PTPRO: variants seen among roughly 807,000 people sequenced by gnomAD.
The protein encoded by PTPRO is receptor-type tyrosine-protein phosphatase O.
Under a neutral mutation model 145.2 loss-of-function variants are expected in PTPRO, and 62 were observed. The observed-to-expected ratio is 0.43, with a 90% CI of 0.35 to 0.53. PTPRO has a LOEUF of 0.53. Ranked by LOEUF, PTPRO falls within the 20% of genes least tolerant of loss-of-function variation. PTPRO has a pLI of 0.01. For missense variants in PTPRO, 1,345 were observed against 1,482.7 expected (o/e 0.91, Z 1.53); for synonymous variants, 565 against 514.7 (o/e 1.10, Z -1.32).
At chr12:15,534,632 G>A (rs1450996688) in intron 12 of PTPRO, among the ~76,000 whole-genome samples, 1 of 152,166 alleles carries the variant, frequency 6.6e-6, no homozygotes, top group East Asian at 1.9e-4. Flanking sequence ...ATAACAAGAA[G>A]AACCAGCCAC....
At chr12:15,479,809 G>C (rs1941739447) in intron 1 of PTPRO, among the ~76,000 whole-genome samples, 2 of 152,188 alleles carry the variant, frequency 1.3e-5, no homozygotes, top group African/African-American at 4.8e-5. Flanking sequence ...GTCTCACCCT[G>C]ATGCAGAAGC....
intron 12 of PTPRO, among the ~76,000 whole-genome samples, chr12:15,545,298 T>C (rs1339037887): frequency 6.6e-6 from 1 of 151,520 alleles, no homozygotes; most frequent in Non-Finnish European, 1.5e-5. Flanking sequence ...CAGGCGCATA[T>C]AGGTGGATGG....
chr12:15,589,130 C>G (rs1304934290), intron 24 of PTPRO, among the ~76,000 whole-genome samples: 1 of 152,156 alleles, frequency 6.6e-6, no homozygotes, highest in African/African-American at 2.4e-5. Flanking sequence ...AATCCCAGCA[C>G]TTCAGGAGGC....
chr12:15,386,369 GA>G (rs1156736254), intron 1 of PTPRO, among the ~76,000 whole-genome samples: 1 of 152,082 alleles, frequency 6.6e-6, no homozygotes, highest in East Asian at 1.9e-4. Context: ...CTACTTCTGA[GA>G]AATTTTAATG....
chr12:15,460,110 A>G (rs1313366456), intron 1 of PTPRO, among the ~76,000 whole-genome samples: 1 of 152,156 alleles, frequency 6.6e-6, no homozygotes, highest in African/African-American at 2.4e-5. Flanking sequence ...ATACTTCTCA[A>G]TATTTTTGAG....
intron 1 of PTPRO, among the ~76,000 whole-genome samples, chr12:15,460,775 T>C (rs1288746445): frequency 1.3e-5 from 2 of 152,212 alleles, no homozygotes; most frequent in Non-Finnish European, 2.9e-5. Context: ...CATCAAGATA[T>C]TCTTGGACAG....
At chr12:15,593,822 CT>C (rs1944602209) in intron 25 of PTPRO, among the ~76,000 whole-genome samples, 1 of 152,116 alleles carries the variant, frequency 6.6e-6, no homozygotes, top group Non-Finnish European at 1.5e-5. Flanking sequence ...AAATATTATT[CT>C]TTTCCTTCTA....
At chr12:15,365,611 A>T (rs1209404362) in intron 1 of PTPRO, among the ~76,000 whole-genome samples, 1 of 152,142 alleles carries the variant, frequency 6.6e-6, no homozygotes, top group Non-Finnish European at 1.5e-5. Context: ...TTTACTGGAT[A>T]TTGGATATGG....
intron 1 of PTPRO, among the ~76,000 whole-genome samples, chr12:15,449,584 G>A (rs1381410887): frequency 6.6e-6 from 1 of 152,134 alleles, no homozygotes; most frequent in Non-Finnish European, 1.5e-5. Flanking sequence ...ACTGAGAGTA[G>A]ATGCTCTTAC....
At chr12:15,423,343 T>C (rs1940198027) in intron 1 of PTPRO, among the ~76,000 whole-genome samples, 1 of 152,216 alleles carries the variant, frequency 6.6e-6, no homozygotes, top group South Asian at 2.1e-4. Flanking sequence ...CTTTTAAATG[T>C]ATGTTTTACA....
intron 24 of PTPRO, among the ~76,000 whole-genome samples, chr12:15,587,721 C>A (rs1484154444): frequency 2.6e-5 from 4 of 152,212 alleles, no homozygotes; most frequent in Non-Finnish European, 5.9e-5. Flanking sequence ...CCATCAAAAT[C>A]TATCTCTGTG....
At chr12:15,559,116 T>C (rs1249456446) in intron 16 of PTPRO, among the ~76,000 whole-genome samples, 4 of 152,180 alleles carry the variant, frequency 2.6e-5, no homozygotes, top group Non-Finnish European at 5.9e-5. Context: ...CAATTATATG[T>C]ATTTAATACT....
chr12:15,508,539 G>C (rs1942370481), intron 6 of PTPRO, 32 bp from the exon 7 acceptor site: 1 of 1,600,056 alleles, frequency 6.2e-7, no homozygotes, highest in South Asian at 1.1e-5. Context: ...GTAACGTGCA[G>C]CCTCCCCTGT....
chr12:15,343,401 T>A (rs969883938), intron 1 of PTPRO, among the ~76,000 whole-genome samples: 2 of 152,112 alleles, frequency 1.3e-5, no homozygotes, highest in Non-Finnish European at 2.9e-5. Context: ...AATTAAAATT[T>A]AAAGGCTGGA....
At position 15,568,214 on chromosome 12, in the gene PTPRO, G is replaced by C. The variant is rs546858810; in HGVS notation, c.2748-1203G>C. ...GGAGGCTGAGGCAGGTGGATCACTT[G>C]AGGTCAGGATTTCAAGACCACCTTG... On this transcript the variant is annotated intron_variant, in intron 18 of 26. Coordinates refer to ENST00000281171, the MANE Select transcript of PTPRO (RefSeq NM_030667.3). Among the ~76,000 whole-genome samples, 11 of 151,930 alleles carry C rather than the reference G, an allele frequency of 7.2e-5. No individual in the cohort carries two copies. In the South Asian group the frequency reaches 2.1e-3, roughly 29 times the overall value.
intron 1 of PTPRO, among the ~76,000 whole-genome samples, chr12:15,385,467 G>A (rs966161637): frequency 6.6e-6 from 1 of 152,092 alleles, no homozygotes; most frequent in African/African-American, 2.4e-5. Flanking sequence ...GAGGAAGGAG[G>A]TTAGGAGAGA....
rs145570875 is a variant in PTPRO at position 15,497,312 on chromosome 12, T to C, written c.417T>C (p.Phe139=). ...YKPSPETGVL[F]EIHYPEKYNV... The stretch of plus-strand genomic sequence containing the variant: ...CTTCTCCTGAAACAGGAGTCCTGTT[T>C]GAAATACATTATCCAGAAAAATATA... The change falls in exon 3 of 27, where the codon TTT becomes TTC. Residue 139 remains phenylalanine (F), a synonymous_variant. Transcript: ENST00000281171. 2 of 1,601,782 alleles carry C rather than the reference T, an allele frequency of 1.2e-6. No homozygotes were observed. The highest frequency in any genetic ancestry group is 2.2e-5 in the South Asian group (2 of 90,804).
At chr12:15,585,477 G>T (rs1039989301) in intron 23 of PTPRO, among the ~76,000 whole-genome samples, 5 of 152,122 alleles carry the variant, frequency 3.3e-5, no homozygotes, top group Admixed American at 6.6e-5. Context: ...GGATATATTA[G>T]GTGCCAAGGG....
At chr12:15,360,851 T>TAC (rs1938164007) in intron 1 of PTPRO, among the ~76,000 whole-genome samples, 5 of 105,134 alleles carry the variant, frequency 4.8e-5, no homozygotes, top group Non-Finnish European at 1.1e-4. Context: ...TGTGTATATA[T>TAC]GTGTGTGTAT....
Sources: gnomAD v4.1 joint callset for allele counts (sites outside exome capture counted in the v4.1 genomes callset) on GRCh38, gnomAD v4.1.1 for gene constraint, MANE v1.5 for transcripts, NCBI Gene and HGNC (gene_info 2026-07-23, HGNC 2026-07-21) for gene names.